The following KRT8 variants were observed in gnomAD, a reference collection of about 807,000 sequenced individuals.
The protein encoded by KRT8 is keratin, type II cytoskeletal 8.
KRT8 carries 24 observed loss-of-function variants against 43.0 expected under a neutral mutation model. That is an observed-to-expected ratio of 0.56 (90% CI 0.40 to 0.78). The LOEUF is 0.78. Among genes scored for constraint, KRT8 ranks in the 30% least tolerant of loss-of-function variants. The pLI is 0.00. For missense variants in KRT8, 492 were observed against 638.4 expected, an observed-to-expected ratio of 0.77 and a Z score of 2.47; for synonymous variants, 214 against 261.2, an observed-to-expected ratio of 0.82 and a Z score of 1.74.
intron 2 of KRT8, among the ~76,000 whole-genome samples, chr12:52,929,865 G>A (rs1366194301): frequency 2.0e-5 from 3 of 151,978 alleles, no homozygotes. Context: ...GACTCTCCTC[G>A]GAGCTACAGA....
At chr12:52,905,024 G>A in exon 1 of KRT8, 3 of 1,578,084 alleles carry the variant, frequency 1.9e-6, no homozygotes, top group African/African-American at 2.7e-5. Context: ...ACCAGGCGGA[G>A]ATCCTAGAAG....
intron 2 of KRT8, among the ~76,000 whole-genome samples, chr12:52,927,815 A>G (rs1401568904): frequency 6.6e-6 from 1 of 152,146 alleles, no homozygotes; most frequent in African/African-American, 2.4e-5. Context: ...GCGATGGCTC[A>G]CTCCCGTAAT....
intron 3 of KRT8, 128 bp from the exon 4 acceptor site, chr12:52,900,811 C>T: frequency 2.8e-6 from 2 of 710,358 alleles, no homozygotes; most frequent in Non-Finnish European, 5.1e-6. Flanking sequence ...ATTGATCTTC[C>T]AGCCCAGCCT....
At chr12:52,922,184 T>TAAAAAAAAAAAAAAAAAAAA in intron 2 of KRT8, among the ~76,000 whole-genome samples, 1 of 38,728 alleles carries the variant, frequency 2.6e-5, no homozygotes, top group East Asian at 7.6e-4. Context: ...ACCCTGTCTC[T>TAAAAAAAAAAAAAAAAAAAA]AAAAAAAAAA....
chr12:52,940,006 T>G (rs1942240095), intron 2 of KRT8, among the ~76,000 whole-genome samples: 1 of 152,098 alleles, frequency 6.6e-6, no homozygotes, highest in African/African-American at 2.4e-5. Flanking sequence ...GGTGAATGGA[T>G]AAACAAATTA....
upstream of KRT8, among the ~76,000 whole-genome samples, chr12:52,909,298 C>G (rs752095269): frequency 6.6e-6 from 1 of 152,104 alleles, no homozygotes; most frequent in African/African-American, 2.4e-5. Context: ...AGGCAATGCC[C>G]GAAAAGCACC....
At chr12:52,907,505 A>C (rs1268916373), upstream of KRT8, among the ~76,000 whole-genome samples, 1 of 152,094 alleles carries the variant, frequency 6.6e-6, no homozygotes, top group East Asian at 1.9e-4. Context: ...CCTTTCCTGA[A>C]ATTCCAGTCC....
At chr12:52,907,245 C>A (rs1324117364), upstream of KRT8, among the ~76,000 whole-genome samples, 5 of 152,172 alleles carry the variant, frequency 3.3e-5, no homozygotes, top group Non-Finnish European at 2.9e-5. Context: ...CCAACAAACA[C>A]CCGCACCCAC....
At chr12:52,934,611 C>G (rs1259861318) in intron 2 of KRT8, among the ~76,000 whole-genome samples, 1 of 151,808 alleles carries the variant, frequency 6.6e-6, no homozygotes, top group Admixed American at 6.6e-5. Context: ...TGGAGAACTC[C>G]CATTATCTGG....
chr12:52,900,113 G>C (rs774710496), intron 4 of KRT8, 48 bp from the exon 5 acceptor site: 3 of 1,597,450 alleles, frequency 1.9e-6, no homozygotes, highest in Non-Finnish European at 2.6e-6. Flanking sequence ...TGCACACAGG[G>C]AGCCCCCTTT....
chr12:52,902,133 AAAGC>A (rs1279970372), intron 1 of KRT8, 61 bp from the exon 2 acceptor site: 17 of 1,037,850 alleles, frequency 1.6e-5, no homozygotes, highest in Non-Finnish European at 2.1e-5. Context: ...AGTCTGGAGG[AAAGC>A]AAGCAGTCTT....
intron 2 of KRT8, among the ~76,000 whole-genome samples, chr12:52,922,410 C>A (rs183054533): frequency 6.6e-6 from 1 of 152,140 alleles, no homozygotes; most frequent in Non-Finnish European, 1.5e-5. Flanking sequence ...CGGTGGCTCA[C>A]GCCTGTAATC....
At position 52,918,052 on chromosome 12, in the gene KRT8, G is replaced by C. The variant is rs113690181; in HGVS notation, c.-46-13025C>G. Among the ~76,000 whole-genome samples the C allele has an allele frequency of 7.2e-5, 3 of 41,476 alleles. No individual in the cohort carries two copies. In the South Asian group the frequency reaches 2.0e-3, roughly 28 times the overall value. The allele number at this position is 41,476 out of a possible 152,430, so 27.2% of individuals were successfully genotyped here. A position where few individuals can be genotyped will look rare whatever the true frequency, so the allele number is the denominator to read the frequency against. On this transcript the variant is annotated intron_variant, in intron 2 of 6. Transcript: ENST00000546826. ...GAGGAGGAGGAGAAGAAGAAGAAGA[G>C]GAAGAAGAAGGAGAAGAAGAAGAGG...
chr12:52,902,564 A>G (rs1053896018), intron 1 of KRT8, among the ~76,000 whole-genome samples: 1 of 151,930 alleles, frequency 6.6e-6, no homozygotes, highest in African/African-American at 2.4e-5. Context: ...ATTTTTTTGT[A>G]TTTTTAGTAG....
chr12:52,899,105 G>A (rs1181634776), intron 5 of KRT8: 2 of 570,810 alleles, frequency 3.5e-6, no homozygotes, highest in East Asian at 3.2e-5. Context: ...ACAAGGTCAG[G>A]AGATCGAGGC....
intron 2 of KRT8, among the ~76,000 whole-genome samples, chr12:52,932,434 G>A (rs1470373568): frequency 5.9e-5 from 9 of 152,022 alleles, no homozygotes; most frequent in Admixed American, 5.9e-4. Flanking sequence ...ACAAGATCAG[G>A]AACAAAGCAA....
At position 52,941,478 on chromosome 12, in the gene KRT8, C is replaced by CTT. The variant is rs774607187; in HGVS notation, c.-47+7976_-47+7977dup. ...CGGGCTCCTCTAGCAAGTTTTTGCT[C>CTT]TTTTTTTTTTTTTTTTTTTTTTTTT... On this transcript the variant is annotated intron_variant, in intron 2 of 6. Coordinates refer to the KRT8 transcript ENST00000546826. 1.3e-3 allele frequency among the ~76,000 whole-genome samples: 93 copies of CTT among 72,580 alleles called. 5 individuals carry two copies. Among genetic ancestry groups the CTT allele is most frequent in the African/African-American group, 2.8e-3 (46 of 16,490 alleles). The allele number at this position is 72,580 out of a possible 152,430, so 47.6% of individuals were successfully genotyped here.
intron 2 of KRT8, chr12:52,948,421 C>G (rs921756006): frequency 1.3e-5 from 2 of 152,534 alleles, no homozygotes; most frequent in African/African-American, 4.8e-5. Flanking sequence ...ATTTGGGCTG[C>G]AGGTTAAGGA....
intron 2 of KRT8, among the ~76,000 whole-genome samples, chr12:52,918,444 C>T (rs1217453384): frequency 6.6e-6 from 1 of 152,156 alleles, no homozygotes; most frequent in Non-Finnish European, 1.5e-5. Context: ...AAAGTGCCTA[C>T]ATTCACACAG....
Sources: gnomAD v4.1 joint callset for allele counts (sites outside exome capture counted in the v4.1 genomes callset) on GRCh38, gnomAD v4.1.1 for gene constraint, MANE v1.5 for transcripts, NCBI Gene and HGNC (gene_info 2026-07-23, HGNC 2026-07-21) for gene names.